Variants in KIF26B observed in about 807,000 individuals in gnomAD.
KIF26B encodes kinesin-like protein KIF26B.
In KIF26B, 63 loss-of-function variants were observed where a neutral mutation model predicts 151.2. That is an observed-to-expected ratio of 0.42 (90% CI 0.34 to 0.51). The LOEUF (loss-of-function observed/expected upper bound fraction) is 0.51. Among genes scored for constraint, KIF26B ranks in the 20% least tolerant of loss-of-function variants. The pLI is 0.07. For synonymous variants in KIF26B, 1,357 were observed against 1,262.1 expected, an observed-to-expected ratio of 1.08 and a Z score of -1.59; for missense variants, 2,813 against 2,913.6, an observed-to-expected ratio of 0.97 and a Z score of 0.79.
rs746340957 is a variant in KIF26B at position 245,608,089 on chromosome 1, C to G, written c.1651+345C>G. Among the ~76,000 whole-genome samples, 3 of 152,158 alleles carry G rather than the reference C, an allele frequency of 2.0e-5. No individual in the cohort carries two copies. In the South Asian group the frequency reaches 6.2e-4, roughly 32 times the overall value. ...AAGCAGATAGGGCCCCTTGCACCACCGCACCCATGAGGATGTGGGTTGGTG... is the reference window on the plus strand; with the variant it reads ...AAGCAGATAGGGCCCCTTGCACCACGGCACCCATGAGGATGTGGGTTGGTG... On this transcript the variant is annotated intron_variant, in intron 7 of 14. Coordinates refer to ENST00000407071, the MANE Select transcript of KIF26B (RefSeq NM_018012.4).
rs937091053 is a variant in KIF26B at position 245,552,141 on chromosome 1, G to A, written c.1350+11191G>A. ...CAGCAGGGTGTGTGTGTGTGTGTGT[G>A]TGTGTGTGTGTGTGTGTGTGTGTGT... is the stretch of plus-strand genomic sequence containing the variant. On this transcript the variant is annotated intron_variant, in intron 5 of 14. Coordinates refer to ENST00000407071, the MANE Select transcript of KIF26B (RefSeq NM_018012.4). Among the ~76,000 whole-genome samples the A allele has an allele frequency of 4.3e-4, 65 of 150,652 alleles. 1 individual carries two copies. The highest frequency in any genetic ancestry group is 1.2e-3 in the African/African-American group (51 of 41,126).
chr1:245,405,851 CA>C (rs1674123619), intron 3 of KIF26B, among the ~76,000 whole-genome samples: 1 of 152,096 alleles, frequency 6.6e-6, no homozygotes, highest in Non-Finnish European at 1.5e-5. Context: ...AAACAGAATA[CA>C]AGGTTTGGTG....
chr1:245,632,358 G>A (rs72764803), intron 9 of KIF26B, among the ~76,000 whole-genome samples: 2,728 of 152,110 alleles, frequency 0.018, 32 homozygotes, highest in Non-Finnish European at 0.025. Context: ...TATTGATTTC[G>A]TTTTACTGAA....
At chr1:245,432,860 C>T (rs928592572) in intron 4 of KIF26B, among the ~76,000 whole-genome samples, 5 of 152,274 alleles carry the variant, frequency 3.3e-5, no homozygotes, top group East Asian at 3.9e-4. Flanking sequence ...CGGAATAATT[C>T]GGTTAGAATT....
Position 245,698,913 on chromosome 1 carries a change from G to A in KIF26B, c.6054G>A (p.Leu2018=). The change falls in exon 14 of 15, where the codon CTG becomes CTA. Residue 2018 remains leucine, a synonymous_variant. Transcript: ENST00000407071. This position sits in a 1 kb window ranked among gnomAD's most constrained non-coding sequence, Gnocchi z 4.0. The part of the protein sequence containing the change: ...SKEAMCFNAK[L]KILEHRQQRI... The stretch of plus-strand genomic sequence containing the variant: ...AGGCCATGTGCTTCAATGCAAAGCT[G>A]AAGATTCTGGAACACCGCCAGCAGA... The A allele has an allele frequency of 6.2e-7, 1 of 1,613,986 alleles. No individual in the cohort carries two copies. The highest frequency in any genetic ancestry group is 8.5e-7 in the Non-Finnish European group (1 of 1,179,874).
intron 10 of KIF26B, among the ~76,000 whole-genome samples, chr1:245,670,684 C>T (rs140983587): frequency 2.0e-5 from 3 of 152,106 alleles, no homozygotes; most frequent in African/African-American, 4.8e-5. Context: ...ATGGAATATA[C>T]GTTTCATGGA....
intron 10 of KIF26B, among the ~76,000 whole-genome samples, chr1:245,649,833 C>A (rs2043995416): frequency 1.3e-5 from 2 of 152,198 alleles, no homozygotes; most frequent in African/African-American, 4.8e-5. Context: ...TCCTCTTCAT[C>A]ATCTTACCAG....
intron 3 of KIF26B, among the ~76,000 whole-genome samples, chr1:245,392,977 C>T (rs1395840195): frequency 1.3e-5 from 2 of 152,054 alleles, no homozygotes; most frequent in Non-Finnish European, 2.9e-5. Flanking sequence ...TCGGGACCAG[C>T]CTGGCCAACA....
intron 2 of KIF26B, among the ~76,000 whole-genome samples, chr1:245,180,392 C>G (rs1358105103): frequency 6.6e-6 from 1 of 152,108 alleles, no homozygotes; most frequent in Non-Finnish European, 1.5e-5. Flanking sequence ...AATAGTCCTG[C>G]AGCTTGGGCA....
intron 3 of KIF26B, chr1:245,370,536 A>G (rs1299354247): frequency 2.2e-6 from 1 of 451,880 alleles, no homozygotes; most frequent in East Asian, 7.0e-5. Context: ...TGTGAGCCAC[A>G]TACTTGTGTT....
chr1:245,609,217 T>C (rs1228207927), intron 7 of KIF26B, 49 bp from the exon 8 acceptor site: 1 of 1,516,294 alleles, frequency 6.6e-7, no homozygotes, highest in African/African-American at 1.4e-5. Flanking sequence ...CTCCGTGGAA[T>C]GATGCCTGGA....
intron 4 of KIF26B, among the ~76,000 whole-genome samples, chr1:245,461,487 C>T (rs1659645417): frequency 6.6e-6 from 1 of 152,100 alleles, no homozygotes; most frequent in Non-Finnish European, 1.5e-5. Context: ...ACGTGTCCTG[C>T]AAGCATGCAG....
At chr1:245,436,490 A>T (rs771293842) in intron 4 of KIF26B, among the ~76,000 whole-genome samples, 1 of 151,872 alleles carries the variant, frequency 6.6e-6, no homozygotes, top group Non-Finnish European at 1.5e-5. Context: ...GAGCTGACTC[A>T]TGTGATCGTG....
intron 2 of KIF26B, among the ~76,000 whole-genome samples, chr1:245,339,145 T>C (rs1457530592): frequency 6.6e-6 from 1 of 152,002 alleles, no homozygotes; most frequent in Non-Finnish European, 1.5e-5. Flanking sequence ...GCCTGGCTAA[T>C]TTTTTTGTAT....
chr1:245,193,575 G>A (rs1275153059), intron 2 of KIF26B, among the ~76,000 whole-genome samples: 5 of 151,904 alleles, frequency 3.3e-5, no homozygotes, highest in East Asian at 1.9e-4. Flanking sequence ...GTCATCATGC[G>A]TTAAGAGCTT....
intron 4 of KIF26B, among the ~76,000 whole-genome samples, chr1:245,465,052 C>G (rs1315613645): frequency 2.1e-5 from 3 of 145,464 alleles, no homozygotes; most frequent in Admixed American, 6.8e-5. Context: ...GATCTCGGCT[C>G]ACTGCAAGCT....
At chr1:245,220,353 C>T (rs1669739569) in intron 2 of KIF26B, among the ~76,000 whole-genome samples, 1 of 152,128 alleles carries the variant, frequency 6.6e-6, no homozygotes, top group Non-Finnish European at 1.5e-5. Flanking sequence ...ATCACTGACT[C>T]CACTTTTCAC....
intron 4 of KIF26B, among the ~76,000 whole-genome samples, chr1:245,422,263 A>T (rs1658507892): frequency 6.6e-6 from 1 of 152,158 alleles, no homozygotes; most frequent in Non-Finnish European, 1.5e-5. Context: ...GTGAAAAAGA[A>T]CAATTCTTTC....
intron 4 of KIF26B, among the ~76,000 whole-genome samples, chr1:245,435,079 CCA>C (rs1658879637): frequency 6.6e-6 from 1 of 151,048 alleles, no homozygotes; most frequent in African/African-American, 2.4e-5. Context: ...ATCCATCCAT[CCA>C]TCCATCCATC....
Sources: gnomAD v4.1 joint callset for allele counts (sites outside exome capture counted in the v4.1 genomes callset) on GRCh38, gnomAD v4.1.1 for gene constraint, Gnocchi (gnomAD v3.1) non-coding constraint, MANE v1.5 for transcripts, NCBI Gene and HGNC (gene_info 2026-07-23, HGNC 2026-07-21) for gene names.